The following PM20D2 variants were observed in gnomAD, a reference collection of about 807,000 sequenced individuals.
The protein encoded by PM20D2 is peptidase M20 domain containing 2.
A neutral mutation model predicts 42.9 loss-of-function variants in PM20D2; 33 were observed. That is an observed-to-expected ratio of 0.77 (90% CI 0.58 to 1.03). PM20D2 has a LOEUF of 1.03. Ranked by LOEUF, PM20D2 falls within the 50% of genes least tolerant of loss-of-function variation. PM20D2 has a pLI of 0.00. For synonymous variants in PM20D2, 250 were observed against 228.2 expected, an observed-to-expected ratio of 1.10 and a Z score of -0.86; for missense variants, 548 against 557.0, an observed-to-expected ratio of 0.98 and a Z score of 0.16.
the PM20D2 span, among the ~76,000 whole-genome samples, chr6:89,094,474 C>G: frequency 6.6e-6 from 1 of 152,068 alleles, no homozygotes; most frequent in Non-Finnish European, 1.5e-5. Flanking sequence ...CCCCACCCCC[C>G]GGAACCTCCC....
At chr6:89,110,228 G>T in the PM20D2 span, among the ~76,000 whole-genome samples, 1 of 152,246 alleles carries the variant, frequency 6.6e-6, no homozygotes, top group East Asian at 1.9e-4. Context: ...TTTTAACAAA[G>T]AATTGGACAA....
In PM20D2 at chr6:89,162,900, G is replaced by C. The variant is rs1446368399; in HGVS notation, c.*637G>C. 2 of 152,370 alleles carry C rather than the reference G, an allele frequency of 1.3e-5. No individual in the cohort carries two copies. The highest frequency in any genetic ancestry group is 2.9e-5 in the Non-Finnish European group (2 of 68,228). The allele number at this position is 152,370 out of a possible 1,614,324, so 9.4% of individuals were successfully genotyped here. On this transcript the variant is annotated 3_prime_UTR_variant, in exon 7 of 7. Transcript: ENST00000275072. The stretch of plus-strand genomic sequence containing the variant: ...TCCTGCCTCAGCCTACCAAGTAGCT[G>C]GGATTACAGGTGTGTGGCACCATGC...
chr6:89,162,008 G>C (rs1771258570), intron 6 of PM20D2, 101 bp from the exon 7 acceptor site: 4 of 1,483,384 alleles, frequency 2.7e-6, no homozygotes, highest in Non-Finnish European at 3.7e-6. Context: ...ACTGCACTGT[G>C]GTGGGCAGTT....
At chr6:89,144,844 A>G (rs947264822), upstream of PM20D2, among the ~76,000 whole-genome samples, 12 of 152,230 alleles carry the variant, frequency 7.9e-5, no homozygotes, top group African/African-American at 2.9e-4. Context: ...CAGGAATTTA[A>G]TAACACATTT....
the PM20D2 span, among the ~76,000 whole-genome samples, chr6:89,137,549 T>C: frequency 0.012 from 1,850 of 152,342 alleles, 38 homozygotes; most frequent in African/African-American, 0.04. Context: ...TAGCCATTAA[T>C]CAAAAGCAAA....
At chr6:89,155,978 A>G (rs1214197434) in intron 4 of PM20D2, among the ~76,000 whole-genome samples, 3 of 150,256 alleles carry the variant, frequency 2.0e-5, no homozygotes, top group Admixed American at 6.7e-5. Context: ...TCTGCCTCCC[A>G]GGTTCAAACA....
upstream of PM20D2, among the ~76,000 whole-genome samples, chr6:89,144,757 A>G (rs969383071): frequency 1.3e-5 from 2 of 152,224 alleles, no homozygotes; most frequent in Admixed American, 6.5e-5. Flanking sequence ...TGAGCAGGAT[A>G]ATATTGGATC....
the PM20D2 span, among the ~76,000 whole-genome samples, chr6:89,127,966 C>T: frequency 5.3e-5 from 8 of 152,184 alleles, no homozygotes; most frequent in Admixed American, 2.0e-4. Context: ...ATGTACATCA[C>T]GTCAGGACCA....
upstream of PM20D2, among the ~76,000 whole-genome samples, chr6:89,145,108 G>A (rs1770478276): frequency 6.6e-6 from 1 of 152,204 alleles, no homozygotes; most frequent in Non-Finnish European, 1.5e-5. Flanking sequence ...ATGAAGAGCT[G>A]ATAGAAGCTT....
chr6:89,145,625 G>A (rs1562242620), upstream of PM20D2, among the ~76,000 whole-genome samples: 1 of 152,162 alleles, frequency 6.6e-6, no homozygotes, highest in Non-Finnish European at 1.5e-5. Context: ...GGGCAGTACC[G>A]AAACTTACGT....
chr6:89,117,934 C>G, the PM20D2 span: 1 of 1,528,670 alleles, frequency 6.5e-7, no homozygotes, highest in Non-Finnish European at 8.8e-7. Context: ...CCGCTGGACT[C>G]GCTCCGTCTC....
At chr6:89,156,736 T>C (rs1331285342) in intron 4 of PM20D2, among the ~76,000 whole-genome samples, 2 of 152,116 alleles carry the variant, frequency 1.3e-5, no homozygotes, top group Non-Finnish European at 2.9e-5. Context: ...CAGATATGCA[T>C]GGGAAAGACA....
At chr6:89,117,962 AC>A in the PM20D2 span, 1 of 1,456,460 alleles carries the variant, frequency 6.9e-7, no homozygotes, top group Non-Finnish European at 9.2e-7. Flanking sequence ...CGCTGCTACC[AC>A]CACAGGAGCT....
At position 89,163,157 on chromosome 6, in the gene PM20D2, T is replaced by C. The variant is rs750989181; in HGVS notation, c.*894T>C. 7.2e-5 allele frequency: 11 copies of C among 152,172 alleles called. No homozygotes were observed. Among genetic ancestry groups the C allele is most frequent in the African/African-American group, 2.7e-4 (11 of 41,432 alleles). The allele number at this position is 152,172 out of a possible 1,614,324, so 9.4% of individuals were successfully genotyped here. On this transcript the variant is annotated 3_prime_UTR_variant, in exon 7 of 7. Coordinates refer to ENST00000275072, the MANE Select transcript of PM20D2 (RefSeq NM_001010853.3). ...GCTTACTCTGAATATTCAGTACTTT[T>C]TGAATAAGCAAATATTGCTTCCTTG... is the stretch of plus-strand genomic sequence containing the variant.
chr6:89,160,311 A>G (rs1473899397), intron 5 of PM20D2, among the ~76,000 whole-genome samples: 3 of 152,220 alleles, frequency 2.0e-5, no homozygotes, highest in Admixed American at 6.5e-5. Flanking sequence ...GACTATCGGC[A>G]TGTTATTTAA....
At chr6:89,133,997 C>G in the PM20D2 span, among the ~76,000 whole-genome samples, 13 of 151,340 alleles carry the variant, frequency 8.6e-5, no homozygotes, top group Non-Finnish European at 1.9e-4. Context: ...GACCTTGACC[C>G]AACGACGGAT....
At chr6:89,134,963 C>T in the PM20D2 span, among the ~76,000 whole-genome samples, 281 of 150,992 alleles carry the variant, frequency 1.9e-3, 2 homozygotes, top group East Asian at 0.034. Context: ...TGGGGTGGTT[C>T]AAGCTCCCAG....
the PM20D2 span, among the ~76,000 whole-genome samples, chr6:89,109,612 T>A: frequency 2.2e-4 from 34 of 152,304 alleles, no homozygotes; most frequent in African/African-American, 7.9e-4. Context: ...CACAGAGGTC[T>A]GGAGTCTGGA....
the PM20D2 span, among the ~76,000 whole-genome samples, chr6:89,112,307 T>C: frequency 6.6e-6 from 1 of 152,366 alleles, no homozygotes; most frequent in African/African-American, 2.4e-5. Flanking sequence ...TAGTGTCTTC[T>C]GCTTTTAATT....
Sources: allele counts gnomAD v4.1 joint callset (sites outside exome capture counted in the v4.1 genomes callset), GRCh38; gene constraint gnomAD v4.1.1; transcripts MANE v1.5; gene names NCBI Gene and HGNC (gene_info 2026-07-23, HGNC 2026-07-21).